Variants in ILKAP observed in about 807,000 individuals in gnomAD.
ILKAP encodes the protein integrin-linked kinase-associated serine/threonine phosphatase 2C.
ILKAP carries 11 observed loss-of-function variants against 49.1 expected under a neutral mutation model. The ratio of observed to expected loss-of-function variants is 0.22; its 90% CI spans 0.14 to 0.37. The LOEUF is 0.37. Ranked by LOEUF, ILKAP falls within the 10% of genes least tolerant of loss-of-function variation. ILKAP has a pLI of 1.00. For synonymous variants in ILKAP, 186 were observed against 192.8 expected (o/e 0.96, Z 0.29); for missense variants, 363 against 510.8 (o/e 0.71, Z 2.79).
At chr2:238,180,213 C>T (rs572342377) in intron 9 of ILKAP, among the ~76,000 whole-genome samples, 2 of 143,128 alleles carry the variant, frequency 1.4e-5, no homozygotes, top group Non-Finnish European at 3.1e-5. Flanking sequence ...AAAGAAATGC[C>T]AAGTCCACGG....
At chr2:238,188,295 T>C (rs764324427) in intron 4 of ILKAP, 38 bp from the exon 5 acceptor site, 17 of 1,601,662 alleles carry the variant, frequency 1.1e-5, no homozygotes. Flanking sequence ...TACAAAACTG[T>C]GCCCAACCCT....
At chr2:238,188,055 AC>A (rs1198436364) in intron 5 of ILKAP, 75 bp downstream of exon 5, 3 of 1,516,110 alleles carry the variant, frequency 2.0e-6, no homozygotes, top group African/African-American at 2.8e-5. Context: ...GTAAATACAA[AC>A]TAGCCAGTCC....
intron 9 of ILKAP, among the ~76,000 whole-genome samples, chr2:238,174,477 G>C (rs750760211): frequency 1.3e-5 from 2 of 152,230 alleles, no homozygotes; most frequent in African/African-American, 4.8e-5. Flanking sequence ...CTCCGCAAAT[G>C]CCACGGCTGC....
intron 3 of ILKAP, among the ~76,000 whole-genome samples, chr2:238,193,237 T>TG (rs1314168631): frequency 1.3e-5 from 2 of 152,188 alleles, no homozygotes; most frequent in African/African-American, 4.8e-5. Context: ...TCCTTTTTTT[T>TG]GGAGACAGAG....
intron 1 of ILKAP, among the ~76,000 whole-genome samples, chr2:238,198,584 T>C (rs1694442342): frequency 6.6e-6 from 1 of 152,144 alleles, no homozygotes; most frequent in Non-Finnish European, 1.5e-5. Context: ...CATTGGGGGC[T>C]GCAATCATTG....
chr2:238,178,564 T>C (rs896379183), intron 9 of ILKAP, among the ~76,000 whole-genome samples: 2 of 152,312 alleles, frequency 1.3e-5, no homozygotes, highest in South Asian at 2.1e-4. Flanking sequence ...ATTTCTAGCA[T>C]TAAGAGAAAC....
At chr2:238,179,291 A>G (rs910072666) in intron 9 of ILKAP, among the ~76,000 whole-genome samples, 2 of 152,216 alleles carry the variant, frequency 1.3e-5, no homozygotes, top group African/African-American at 4.8e-5. Flanking sequence ...AAAGAAGCAG[A>G]GGAGTGAAAG....
At chr2:238,199,330 G>A (rs762424505) in intron 1 of ILKAP, among the ~76,000 whole-genome samples, 3 of 152,194 alleles carry the variant, frequency 2.0e-5, no homozygotes, top group Non-Finnish European at 4.4e-5. Flanking sequence ...GTTTAAATCT[G>A]ATAGAAGCCA....
At chr2:238,181,248 T>C (rs535599998) in intron 9 of ILKAP, among the ~76,000 whole-genome samples, 3 of 152,240 alleles carry the variant, frequency 2.0e-5, no homozygotes, top group East Asian at 1.9e-4. Context: ...AGAGATGACA[T>C]CTCTCTTATC....
intron 5 of ILKAP, among the ~76,000 whole-genome samples, chr2:238,187,730 G>A (rs1348386539): frequency 6.6e-6 from 1 of 152,096 alleles, no homozygotes. Context: ...GCCAGAAGCC[G>A]CTCAGTTGCT....
At chr2:238,180,506 T>A (rs576839018) in intron 9 of ILKAP, among the ~76,000 whole-genome samples, 6 of 152,358 alleles carry the variant, frequency 3.9e-5, no homozygotes, top group African/African-American at 1.2e-4. Flanking sequence ...GCTAGTAGAT[T>A]TGGAAATGTT....
chr2:238,178,134 G>A (rs891484648), intron 9 of ILKAP, among the ~76,000 whole-genome samples: 2 of 152,172 alleles, frequency 1.3e-5, no homozygotes, highest in Non-Finnish European at 2.9e-5. Context: ...CTGCTTTAGT[G>A]AGGTATATCT....
At chr2:238,200,058 C>T (rs1694505933) in intron 1 of ILKAP, among the ~76,000 whole-genome samples, 1 of 152,238 alleles carries the variant, frequency 6.6e-6, no homozygotes, top group East Asian at 1.9e-4. Context: ...AATCAAGTTA[C>T]TGGCGAAGCA....
At position 238,170,627 on chromosome 2, in the gene ILKAP, T is replaced by C. The variant is rs761601977; in HGVS notation, c.1088A>G (p.Tyr363Cys). The C allele has an allele frequency of 3.7e-6, 6 of 1,604,116 alleles. No homozygotes were observed. The highest frequency in any genetic ancestry group is 5.1e-6 in the Non-Finnish European group (6 of 1,172,152). The change falls in exon 12 of 12, where the codon TAC becomes TGC. Residue 363 changes from tyrosine (Y) to cysteine (C), a missense_variant. Around this residue, in one of 3 missense-constraint regions of ILKAP, gnomAD observed 83 missense variants for 87.5 expected, o/e 0.95. Coordinates refer to ENST00000254654, the MANE Select transcript of ILKAP (RefSeq NM_030768.3). ...REGKSAADAR[Y>C]EAACNRLANK... The stretch of plus-strand genomic sequence containing the variant: ...GGCCAGCCTGTTGCAGGCTGCTTCG[T>C]AGCGGGCGTCGGCTGCGGACTTCCC...
At chr2:238,170,810 T>A in intron 11 of ILKAP, 133 bp downstream of exon 11, 1 of 1,467,758 alleles carries the variant, frequency 6.8e-7, no homozygotes, top group Non-Finnish European at 9.5e-7. Context: ...AGTGAGTCAG[T>A]AGGCAGAGTT....
chr2:238,194,446 G>A (rs878892540), intron 2 of ILKAP, 115 bp from the exon 3 acceptor site: 12 of 881,168 alleles, frequency 1.4e-5, no homozygotes, highest in East Asian at 2.5e-5. Flanking sequence ...AAAACTTTGC[G>A]TCAATCCAGT....
intron 3 of ILKAP, among the ~76,000 whole-genome samples, chr2:238,193,969 C>T (rs1273544050): frequency 6.6e-6 from 1 of 152,156 alleles, no homozygotes; most frequent in African/African-American, 2.4e-5. Context: ...CAAGGCAAAT[C>T]GGAATAATGA....
At chr2:238,186,513 A>C (rs1326702986) in intron 5 of ILKAP, 1 of 152,226 alleles carries the variant, frequency 6.6e-6, no homozygotes, top group Non-Finnish European at 1.5e-5. Flanking sequence ...TATGCAGTCC[A>C]TCACTGACTT....
chr2:238,194,402 C>T, intron 2 of ILKAP, 71 bp from the exon 3 acceptor site: 1 of 1,404,198 alleles, frequency 7.1e-7, no homozygotes, highest in Non-Finnish European at 1.0e-6. Flanking sequence ...ATCCATCCCA[C>T]CAGGACACCT....
Sources: allele counts gnomAD v4.1 joint callset (sites outside exome capture counted in the v4.1 genomes callset), GRCh38; gene constraint gnomAD v4.1.1; regional missense constraint gnomAD v4.1.1; transcripts MANE v1.5; gene names NCBI Gene and HGNC (gene_info 2026-07-23, HGNC 2026-07-21).